Variants in JAKMIP2 observed in about 807,000 individuals in gnomAD.
JAKMIP2 encodes the protein janus kinase and microtubule-interacting protein 2.
JAKMIP2 carries 25 observed loss-of-function variants against 115.0 expected under a neutral mutation model. The ratio of observed to expected loss-of-function variants is 0.22; its 90% CI spans 0.16 to 0.30. JAKMIP2 has a LOEUF of 0.30. Ranked by LOEUF, JAKMIP2 falls within the 10% of genes least tolerant of loss-of-function variation. JAKMIP2 has a pLI of 1.00. For synonymous variants in JAKMIP2, 334 were observed against 343.6 expected, an observed-to-expected ratio of 0.97 and a Z score of 0.31; for missense variants, 642 against 957.6, an observed-to-expected ratio of 0.67 and a Z score of 4.35.
intron 1 of JAKMIP2, among the ~76,000 whole-genome samples, chr5:147,730,787 G>C (rs1753701479): frequency 6.6e-6 from 1 of 152,006 alleles, no homozygotes; most frequent in Admixed American, 6.6e-5. Flanking sequence ...AATCCTATTA[G>C]TTCAGTTTAG....
Position 147,776,481 on chromosome 5 carries a change from C to G in JAKMIP2, c.-149+5975G>C, listed in dbSNP as rs559340747. 2.6e-5 allele frequency among the ~76,000 whole-genome samples: 4 copies of G among 152,328 alleles called. No individual in the cohort carries two copies. In the South Asian group the frequency reaches 8.3e-4, roughly 32 times the overall value. ...CTGAGGCCTCCCCAGCCCTGCAGAA[C>G]AGTAAGTCAATTAAACCTCTTTCCT... On this transcript the variant is annotated intron_variant, in intron 1 of 21. Transcript: ENST00000616793.
At chr5:147,592,803 G>A (rs771337972) in intron 21 of JAKMIP2, among the ~76,000 whole-genome samples, 1 of 152,148 alleles carries the variant, frequency 6.6e-6, no homozygotes, top group African/African-American at 2.4e-5. Flanking sequence ...ATCTAAAGTG[G>A]AGGAAAAGGA....
intron 1 of JAKMIP2, among the ~76,000 whole-genome samples, chr5:147,728,272 C>A (rs1391470900): frequency 6.6e-6 from 1 of 152,146 alleles, no homozygotes; most frequent in Admixed American, 6.5e-5. Flanking sequence ...CACCCCTCCA[C>A]TGAGAGATAA....
At chr5:147,670,752 G>A (rs1164552826) in intron 2 of JAKMIP2, among the ~76,000 whole-genome samples, 1 of 152,150 alleles carries the variant, frequency 6.6e-6, no homozygotes, top group Admixed American at 6.5e-5. Context: ...CAGCTGTGAT[G>A]TGATGAAGAA....
intron 16 of JAKMIP2, 28 bp downstream of exon 16, chr5:147,628,723 G>A: frequency 6.3e-7 from 1 of 1,582,912 alleles, no homozygotes; most frequent in South Asian, 1.1e-5. Flanking sequence ...ACACCGAGAT[G>A]ATTTGAAATG....
intron 20 of JAKMIP2, among the ~76,000 whole-genome samples, chr5:147,610,209 T>A (rs572331462): frequency 6.6e-6 from 1 of 152,278 alleles, no homozygotes; most frequent in African/African-American, 2.4e-5. Context: ...TCTCCATCCA[T>A]CCAGTTTTGT....
At chr5:147,627,214 A>G (rs1299116431) in intron 16 of JAKMIP2, among the ~76,000 whole-genome samples, 2 of 152,192 alleles carry the variant, frequency 1.3e-5, no homozygotes, top group Non-Finnish European at 2.9e-5. Flanking sequence ...CCATGGGAGC[A>G]GTAGCACAGG....
At chr5:147,756,967 C>T (rs1277232064) in intron 1 of JAKMIP2, among the ~76,000 whole-genome samples, 1 of 152,146 alleles carries the variant, frequency 6.6e-6, no homozygotes, top group African/African-American at 2.4e-5. Context: ...TTTTCTTCCC[C>T]TTCACACAAT....
chr5:147,639,598 C>T, intron 10 of JAKMIP2, 34 bp downstream of exon 10: 1 of 1,590,182 alleles, frequency 6.3e-7, no homozygotes, highest in Non-Finnish European at 8.5e-7. Flanking sequence ...CTGCTGCACG[C>T]TAATTCAGAG....
At chr5:147,699,131 A>G (rs1324549942) in intron 1 of JAKMIP2, among the ~76,000 whole-genome samples, 1 of 152,242 alleles carries the variant, frequency 6.6e-6, no homozygotes, top group Non-Finnish European at 1.5e-5. Flanking sequence ...ATTATTACAT[A>G]CAGTAGGAAA....
chr5:147,697,503 C>A (rs1171111934), intron 1 of JAKMIP2, among the ~76,000 whole-genome samples: 1 of 152,166 alleles, frequency 6.6e-6, no homozygotes, highest in Non-Finnish European at 1.5e-5. Flanking sequence ...ATGACAGAGG[C>A]CTTCACAGCA....
intron 3 of JAKMIP2, among the ~76,000 whole-genome samples, chr5:147,657,061 C>T (rs1032590459): frequency 1.3e-5 from 2 of 152,130 alleles, no homozygotes; most frequent in African/African-American, 4.8e-5. Context: ...GGGTGGATCA[C>T]AAGGTCAGGA....
chr5:147,735,422 T>C (rs927116734), intron 1 of JAKMIP2, among the ~76,000 whole-genome samples: 2 of 151,970 alleles, frequency 1.3e-5, no homozygotes, highest in Non-Finnish European at 2.9e-5. Flanking sequence ...ACAATCAAGG[T>C]GGAAGGTAAA....
intron 5 of JAKMIP2, among the ~76,000 whole-genome samples, chr5:147,645,641 G>A (rs935235641): frequency 4.6e-5 from 7 of 152,150 alleles, no homozygotes; most frequent in Non-Finnish European, 8.8e-5. Context: ...TTAAGAGTGA[G>A]CATACTCTCA....
chr5:147,635,550 T>C (rs1757574880), intron 12 of JAKMIP2, among the ~76,000 whole-genome samples: 1 of 152,120 alleles, frequency 6.6e-6, no homozygotes, highest in South Asian at 2.1e-4. Flanking sequence ...TCATAGAGGT[T>C]TCTTTGTTTT....
intron 3 of JAKMIP2, among the ~76,000 whole-genome samples, chr5:147,653,948 C>T (rs1256159273): frequency 1.3e-5 from 2 of 152,196 alleles, no homozygotes; most frequent in Admixed American, 1.3e-4. Context: ...GTTTTCCCAG[C>T]ACCATGTATT....
chr5:147,756,390 A>G (rs960629424), intron 1 of JAKMIP2, among the ~76,000 whole-genome samples: 2 of 152,178 alleles, frequency 1.3e-5, no homozygotes, highest in African/African-American at 2.4e-5. Flanking sequence ...CCAGCCTTAG[A>G]ATTATTGCAG....
intron 1 of JAKMIP2, among the ~76,000 whole-genome samples, chr5:147,747,133 C>A (rs1754375946): frequency 6.6e-6 from 1 of 152,070 alleles, no homozygotes; most frequent in South Asian, 2.1e-4. Flanking sequence ...TCATGAGGAG[C>A]TTTTTTGAAA....
At chr5:147,726,882 A>C (rs932157569) in intron 1 of JAKMIP2, among the ~76,000 whole-genome samples, 1 of 152,220 alleles carries the variant, frequency 6.6e-6, no homozygotes, top group African/African-American at 2.4e-5. Flanking sequence ...GTTAGCCCCA[A>C]AAATTACCTC....
Sources: allele counts gnomAD v4.1 joint callset (sites outside exome capture counted in the v4.1 genomes callset), GRCh38; gene constraint gnomAD v4.1.1; transcripts MANE v1.5; gene names NCBI Gene and HGNC (gene_info 2026-07-23, HGNC 2026-07-21).